EYA1: variants seen among roughly 807,000 people sequenced by gnomAD.
EYA1 encodes the protein EYA transcriptional coactivator and phosphatase 1.
In EYA1, 16 loss-of-function variants were observed where a neutral mutation model predicts 82.0. The ratio of observed to expected loss-of-function variants is 0.20; its 90% CI spans 0.13 to 0.30. The LOEUF (loss-of-function observed/expected upper bound fraction) is 0.30, where lower values mean the gene tolerates loss of function less well. Ranked by LOEUF, EYA1 falls within the 10% of genes least tolerant of loss-of-function variation. EYA1 has a pLI of 1.00. For synonymous variants in EYA1, 261 were observed against 264.4 expected, an observed-to-expected ratio of 0.99 and a Z score of 0.12; for missense variants, 633 against 730.7, an observed-to-expected ratio of 0.87 and a Z score of 1.54.
intron 2 of EYA1, among the ~76,000 whole-genome samples, chr8:71,407,890 T>G (rs535056456): frequency 6.9e-6 from 1 of 145,484 alleles, no homozygotes. Flanking sequence ...AGATACTCCT[T>G]GAGAAGAGCA....
chr8:71,449,558 G>C (rs1807187895), intron 2 of EYA1, among the ~76,000 whole-genome samples: 1 of 152,222 alleles, frequency 6.6e-6, no homozygotes, highest in Non-Finnish European at 1.5e-5. Context: ...TTATCATCTA[G>C]GCTTTATTGT....
chr8:71,384,862 C>T (rs994521920), intron 2 of EYA1, among the ~76,000 whole-genome samples: 2 of 152,070 alleles, frequency 1.3e-5, no homozygotes, highest in Non-Finnish European at 2.9e-5. Flanking sequence ...TATAGATTGT[C>T]GTGCTTTCTA....
intron 2 of EYA1, among the ~76,000 whole-genome samples, chr8:71,422,497 G>A (rs1831197606): frequency 6.6e-6 from 1 of 152,130 alleles, no homozygotes; most frequent in African/African-American, 2.4e-5. Flanking sequence ...TATTGTCTCT[G>A]TCTGTGGTCT....
chr8:71,521,141 T>A (rs1266183005), intron 2 of EYA1, among the ~76,000 whole-genome samples: 2 of 152,046 alleles, frequency 1.3e-5, no homozygotes, highest in Non-Finnish European at 2.9e-5. Context: ...AAAGAGAATA[T>A]ACACAGTATG....
intron 2 of EYA1, among the ~76,000 whole-genome samples, chr8:71,370,358 C>A (rs1828008329): frequency 6.8e-6 from 1 of 148,032 alleles, no homozygotes; most frequent in African/African-American, 2.5e-5. Context: ...AGTCACTCAA[C>A]AAATATTTAT....
chr8:71,443,794 C>A (rs1204547731), intron 2 of EYA1, among the ~76,000 whole-genome samples: 1 of 152,208 alleles, frequency 6.6e-6, no homozygotes, highest in Non-Finnish European at 1.5e-5. Context: ...ACTTCTGAGA[C>A]CCTTGGTAGA....
At chr8:71,323,661 G>A (rs1020424368) in intron 4 of EYA1, among the ~76,000 whole-genome samples, 14 of 152,184 alleles carry the variant, frequency 9.2e-5, no homozygotes, top group South Asian at 4.1e-4. Flanking sequence ...ATGGCAAGCC[G>A]GCCCAGCTGG....
At chr8:71,373,076 C>G (rs1828176523) in intron 2 of EYA1, among the ~76,000 whole-genome samples, 1 of 152,056 alleles carries the variant, frequency 6.6e-6, no homozygotes, top group Admixed American at 6.5e-5. Context: ...TGGTACAAAG[C>G]AAGGATCCCC....
At chr8:71,482,615 A>C (rs1478834801) in intron 2 of EYA1, among the ~76,000 whole-genome samples, 1 of 152,224 alleles carries the variant, frequency 6.6e-6, no homozygotes, top group Admixed American at 6.5e-5. Flanking sequence ...TAATTCATAA[A>C]AGTCAAAAAA....
At chr8:71,541,676 T>C (rs1400190519) in intron 1 of EYA1, among the ~76,000 whole-genome samples, 1 of 152,234 alleles carries the variant, frequency 6.6e-6, no homozygotes, top group Non-Finnish European at 1.5e-5. Flanking sequence ...GAAAGTGGTA[T>C]GTACACAGCT....
chr8:71,361,835 G>C lies in EYA1; in HGVS notation c.-243C>G. On this transcript the variant is annotated 5_prime_UTR_variant, in exon 1 of 18. Coordinates refer to ENST00000340726, the MANE Select transcript of EYA1 (RefSeq NM_000503.6). ...AGGGGAAAGCTCGGCGCAGGGGGCAGGCGCCTGGCCGCTGCCGCAGGCTCG... is the reference window on the plus strand; with the variant it reads ...AGGGGAAAGCTCGGCGCAGGGGGCACGCGCCTGGCCGCTGCCGCAGGCTCG... 5.1e-6 allele frequency: 5 copies of C among 985,480 alleles called. No homozygotes were observed. Among genetic ancestry groups the C allele is most frequent in the Non-Finnish European group, 6.0e-6 (5 of 829,938 alleles). The allele number at this position is 985,480 out of a possible 1,614,324, so 61.0% of individuals were successfully genotyped here.
At chr8:71,540,865 T>C (rs553985928) in intron 1 of EYA1, among the ~76,000 whole-genome samples, 2 of 152,230 alleles carry the variant, frequency 1.3e-5, no homozygotes, top group East Asian at 3.9e-4. Flanking sequence ...GAACATTGCT[T>C]TACAGAAAAG....
intron 9 of EYA1, among the ~76,000 whole-genome samples, chr8:71,282,345 T>G (rs10081429): frequency 0.24 from 36,101 of 152,120 alleles, 4,681 homozygotes; most frequent in Admixed American, 0.29. Context: ...TGCCTTACAG[T>G]GTACAGCAAA....
intron 11 of EYA1, among the ~76,000 whole-genome samples, chr8:71,264,329 G>A (rs866663395): frequency 2.0e-5 from 3 of 152,124 alleles, no homozygotes; most frequent in Admixed American, 6.5e-5. Context: ...TGAAATGGGC[G>A]ATATAAACTG....
chr8:71,225,663 T>C (rs1810471617), intron 12 of EYA1, among the ~76,000 whole-genome samples: 1 of 152,196 alleles, frequency 6.6e-6, no homozygotes, highest in South Asian at 2.1e-4. Flanking sequence ...AATATCTATA[T>C]GTGTTATGGT....
intron 2 of EYA1, among the ~76,000 whole-genome samples, chr8:71,509,820 A>C (rs1224439734): frequency 6.6e-6 from 1 of 152,116 alleles, no homozygotes; most frequent in Non-Finnish European, 1.5e-5. Context: ...GCTCCACTGG[A>C]GAGCATATTG....
chr8:71,465,265 A>G (rs1175781813), intron 2 of EYA1, among the ~76,000 whole-genome samples: 1 of 152,234 alleles, frequency 6.6e-6, no homozygotes, highest in East Asian at 1.9e-4. Flanking sequence ...CAAATAGAGC[A>G]GAAACCATCT....
chr8:71,445,954 G>A (rs997000958), intron 2 of EYA1, among the ~76,000 whole-genome samples: 1 of 152,118 alleles, frequency 6.6e-6, no homozygotes, highest in Non-Finnish European at 1.5e-5. Flanking sequence ...TTCTTCTCTA[G>A]AATAATAAAC....
At chr8:71,255,300 TA>T (rs1005724513) in intron 11 of EYA1, among the ~76,000 whole-genome samples, 1 of 152,126 alleles carries the variant, frequency 6.6e-6, no homozygotes, top group Non-Finnish European at 1.5e-5. Context: ...AAAACAATTT[TA>T]AAAAATAACA....
Sources: allele counts gnomAD v4.1 joint callset (sites outside exome capture counted in the v4.1 genomes callset), GRCh38; gene constraint gnomAD v4.1.1; transcripts MANE v1.5; gene names NCBI Gene and HGNC (gene_info 2026-07-23, HGNC 2026-07-21).